Variants in ZNF423 observed in about 807,000 individuals in gnomAD.
ZNF423 encodes the protein zinc finger protein 423, also known as Ebf-associated zinc finger protein.
A neutral mutation model predicts 95.8 loss-of-function variants in ZNF423; 12 were observed. The observed-to-expected ratio is 0.13, with a 90% CI of 0.08 to 0.20. ZNF423 has a LOEUF of 0.20. Ranked by LOEUF, ZNF423 falls within the 10% of genes least tolerant of loss-of-function variation. The probability of loss-of-function intolerance (pLI) is 1.00; values close to 1 mark genes in which losing one functional copy is unlikely to be tolerated. For synonymous variants in ZNF423, 749 were observed against 711.9 expected, an observed-to-expected ratio of 1.05 and a Z score of -0.83; for missense variants, 1,316 against 1,737.1, an observed-to-expected ratio of 0.76 and a Z score of 4.31.
At chr16:49,854,936 C>G (rs113265010) in intron 1 of ZNF423, 59,981 of 984,916 alleles carry the variant, frequency 0.061, 1,911 homozygotes, top group Non-Finnish European at 0.065. Flanking sequence ...GGGGTCAGAT[C>G]CAGGGTGCCG....
intron 3 of ZNF423, among the ~76,000 whole-genome samples, chr16:49,642,795 TCTTTTC>T (rs1973018392): frequency 9.2e-6 from 1 of 108,430 alleles, no homozygotes; most frequent in Non-Finnish European, 1.8e-5. Context: ...AAAGCGGTTC[TCTTTTC>T]TTTTTTTTTT....
Position 49,572,809 on chromosome 16 carries a change from G to T in ZNF423, c.3602-47315C>A, listed in dbSNP as rs7191906. ...ACACTGGAGAGGGATGCTGGCAATG[G>T]GAGGAATGGAAGAGCAGGTCCTAGG... On this transcript the variant is annotated intron_variant, in intron 5 of 7. Transcript: ENST00000563137. Among the ~76,000 whole-genome samples the T allele has an allele frequency of 5.5e-4, 84 of 152,292 alleles. 1 individual carries two copies. Among genetic ancestry groups the T allele is most frequent in the Middle Eastern group, 3.4e-3 (1 of 294 alleles).
intron 3 of ZNF423, among the ~76,000 whole-genome samples, chr16:49,700,155 C>T (rs2032120515): frequency 8.3e-6 from 1 of 119,802 alleles, no homozygotes; most frequent in African/African-American, 3.2e-5. Flanking sequence ...GATTCTATTT[C>T]ATCGCTTTGA....
Position 49,638,992 on chromosome 16 carries a change from A to G in ZNF423, c.302-118T>C. 3.5e-6 allele frequency: 5 copies of G among 1,444,884 alleles called. No individual in the cohort carries two copies. The highest frequency in any genetic ancestry group is 1.8e-4 in the Middle Eastern group (1 of 5,472). The allele number at this position is 1,444,884 out of a possible 1,614,324, so 89.5% of individuals were successfully genotyped here. A position where few individuals can be genotyped will look rare whatever the true frequency, so the allele number is the denominator to read the frequency against. ...GGCTGTGCAGCTGGCCAACGGCTGC[A>G]GGGGGCTGTGGGGAGGGGCAGGGGC... On this transcript the variant is annotated intron_variant, in intron 3 of 7. Coordinates refer to ENST00000563137, the MANE Select transcript of ZNF423 (RefSeq NM_001379286.1). The surrounding 1 kb of genome is among the most constrained non-coding windows in gnomAD (Gnocchi z 5.6).
At chr16:49,547,378 G>A (rs996215565) in intron 5 of ZNF423, among the ~76,000 whole-genome samples, 4 of 152,122 alleles carry the variant, frequency 2.6e-5, no homozygotes, top group East Asian at 1.9e-4. Flanking sequence ...ACCAAAAGAC[G>A]ACACTAAGGA....
rs556877731 is a variant in ZNF423, at chr16:49,736,515, T to C, written c.101-5544A>G. Among the ~76,000 whole-genome samples the C allele has an allele frequency of 3.3e-5, 5 of 152,262 alleles. No individual in the cohort carries two copies. The East Asian group carries it at 9.7e-4, about 29-fold the overall frequency. Reference sequence around the variant, plus strand: ...TCATGTTTCGCTGGAAAGCACTGAATTTTCAGGCCAGTCACAATGGCTTAC... The same window carrying C: ...TCATGTTTCGCTGGAAAGCACTGAACTTTCAGGCCAGTCACAATGGCTTAC... On this transcript the variant is annotated intron_variant, in intron 2 of 7. Transcript: ENST00000563137.
At chr16:49,515,321 C>G (rs1312597798) in intron 7 of ZNF423, among the ~76,000 whole-genome samples, 1 of 152,236 alleles carries the variant, frequency 6.6e-6, no homozygotes, top group South Asian at 2.1e-4. Context: ...CCTGCTTGGC[C>G]CAACTACTAA....
chr16:49,571,517 G>A (rs777132465), intron 5 of ZNF423, among the ~76,000 whole-genome samples: 1 of 152,108 alleles, frequency 6.6e-6, no homozygotes, highest in Non-Finnish European at 1.5e-5. Flanking sequence ...GCAGAGTGAG[G>A]GGCAAGTGTC....
intron 7 of ZNF423, among the ~76,000 whole-genome samples, chr16:49,495,668 A>G (rs529655863): frequency 2.3e-4 from 35 of 152,276 alleles, no homozygotes; most frequent in Middle Eastern, 3.4e-3. Flanking sequence ...CCTGGTGGCT[A>G]CACTGTCCTT....
At chr16:49,812,950 G>A (rs920655829) in intron 1 of ZNF423, among the ~76,000 whole-genome samples, 1 of 152,098 alleles carries the variant, frequency 6.6e-6, no homozygotes, top group African/African-American at 2.4e-5. Context: ...TGCTCCTTGT[G>A]CATTCATTAG....
intron 7 of ZNF423, among the ~76,000 whole-genome samples, chr16:49,495,432 T>C (rs1301054716): frequency 6.6e-6 from 1 of 152,178 alleles, no homozygotes; most frequent in African/African-American, 2.4e-5. Flanking sequence ...GCCCTCTCTG[T>C]GCAAATCGTC....
At chr16:49,794,455 CTT>C (rs1203900415) in intron 1 of ZNF423, among the ~76,000 whole-genome samples, 1 of 152,184 alleles carries the variant, frequency 6.6e-6, no homozygotes, top group African/African-American at 2.4e-5. Flanking sequence ...ATTTTGCACT[CTT>C]TGTCTCAAAG....
At chr16:49,673,855 G>A (rs971362026) in intron 3 of ZNF423, among the ~76,000 whole-genome samples, 3 of 152,220 alleles carry the variant, frequency 2.0e-5, no homozygotes, top group African/African-American at 4.8e-5. Flanking sequence ...AGCTCTAAAG[G>A]AGGCTGAGGA....
At chr16:49,588,234 C>T (rs762877066) in intron 5 of ZNF423, among the ~76,000 whole-genome samples, 26 of 152,222 alleles carry the variant, frequency 1.7e-4, no homozygotes, top group Non-Finnish European at 3.7e-4. Flanking sequence ...GGGTCAACTC[C>T]TGAACCAACA....
intron 3 of ZNF423, among the ~76,000 whole-genome samples, chr16:49,696,735 C>T (rs2031989050): frequency 6.6e-6 from 1 of 151,920 alleles, no homozygotes; most frequent in Non-Finnish European, 1.5e-5. Flanking sequence ...GGGACCTGGC[C>T]TCATTAAGTG....
intron 5 of ZNF423, among the ~76,000 whole-genome samples, chr16:49,616,452 C>A (rs1343631089): frequency 6.6e-6 from 1 of 151,908 alleles, no homozygotes; most frequent in African/African-American, 2.4e-5. Flanking sequence ...ATTTATTGTA[C>A]ATTTTAAAAT....
intron 1 of ZNF423, among the ~76,000 whole-genome samples, chr16:49,792,048 G>A (rs1038962051): frequency 6.7e-6 from 1 of 150,352 alleles, no homozygotes; most frequent in Non-Finnish European, 1.5e-5. Context: ...GTGGTTGCCT[G>A]GGGCTGGGAG....
intron 5 of ZNF423, among the ~76,000 whole-genome samples, chr16:49,605,369 C>T (rs1051471057): frequency 6.6e-6 from 1 of 152,208 alleles, no homozygotes; most frequent in African/African-American, 2.4e-5. Context: ...AGCTGTGCAA[C>T]CTCGGGAAAG....
At chr16:49,813,272 C>T (rs2034782968) in intron 1 of ZNF423, among the ~76,000 whole-genome samples, 1 of 152,004 alleles carries the variant, frequency 6.6e-6, no homozygotes, top group South Asian at 2.1e-4. Context: ...CAACGGCGCA[C>T]TTCACCCCCA....
Sources: allele counts gnomAD v4.1 joint callset (sites outside exome capture counted in the v4.1 genomes callset), GRCh38; gene constraint gnomAD v4.1.1; non-coding constraint Gnocchi (gnomAD v3.1); transcripts MANE v1.5; gene names NCBI Gene and HGNC (gene_info 2026-07-23, HGNC 2026-07-21).